Variants in CFAP54 observed in about 807,000 individuals in gnomAD.
The protein encoded by CFAP54 is cilia and flagella associated protein 54.
Under a neutral mutation model 370.4 loss-of-function variants are expected in CFAP54, and 290 were observed. That is an observed-to-expected ratio of 0.78 (90% CI 0.71 to 0.86). The LOEUF (loss-of-function observed/expected upper bound fraction) is 0.86. Ranked by LOEUF, CFAP54 falls within the 40% of genes least tolerant of loss-of-function variation. The pLI, the probability that CFAP54 is intolerant of heterozygous loss-of-function variation, is 0.00. For missense variants in CFAP54, 3,399 were observed against 3,528.7 expected (o/e 0.96, Z 0.93); for synonymous variants, 1,206 against 1,236.5 (o/e 0.98, Z 0.52).
Position 96,704,125 on chromosome 12 carries a change from T to C in CFAP54, c.6475-618T>C, listed in dbSNP as rs77940662. On this transcript the variant is annotated intron_variant, in intron 46 of 67. Transcript: ENST00000524981. ...AGTGAACATGGAATAGAAATCTATT[T>C]TTAAAAATTTAAAATACATCGGCCA... Among the ~76,000 whole-genome samples the C allele has an allele frequency of 9.8e-3, 1,488 of 152,204 alleles. 27 individuals carry two copies. The highest frequency in any genetic ancestry group is 0.032 in the African/African-American group (1,313 of 41,530).
intron 26 of CFAP54, among the ~76,000 whole-genome samples, chr12:96,600,258 C>A (rs1055232480): frequency 3.3e-5 from 5 of 152,178 alleles, no homozygotes; most frequent in Admixed American, 2.0e-4. Flanking sequence ...AATAGGGAAT[C>A]CTTTCCCCAC....
At chr12:96,513,774 G>A (rs534540491) in intron 5 of CFAP54, among the ~76,000 whole-genome samples, 2 of 152,014 alleles carry the variant, frequency 1.3e-5, no homozygotes, top group South Asian at 2.1e-4. Flanking sequence ...TTAAAAAAAG[G>A]TGTCCTGGTT....
At chr12:96,523,289 C>G (rs1054059657) in intron 8 of CFAP54, among the ~76,000 whole-genome samples, 1 of 152,164 alleles carries the variant, frequency 6.6e-6, no homozygotes, top group Non-Finnish European at 1.5e-5. Context: ...ATTTAAATGA[C>G]TGGCTCAAGG....
chr12:96,669,788 G>A (rs111793217), intron 39 of CFAP54, among the ~76,000 whole-genome samples: 8 of 152,260 alleles, frequency 5.3e-5, no homozygotes, highest in Admixed American at 3.3e-4. Context: ...ATACTAATGC[G>A]GCACTCAGGA....
intron 41 of CFAP54, 41 bp downstream of exon 41, chr12:96,684,776 T>A: frequency 6.7e-7 from 1 of 1,485,956 alleles, no homozygotes; most frequent in South Asian, 1.2e-5. Flanking sequence ...CAAAGGTTTT[T>A]TATTTGCTTG....
At chr12:96,574,369 G>A (rs1055617643) in intron 19 of CFAP54, among the ~76,000 whole-genome samples, 5 of 152,162 alleles carry the variant, frequency 3.3e-5, no homozygotes, top group Middle Eastern at 3.4e-3. Flanking sequence ...CTTCTCTTAT[G>A]TTTGTTGAAT....
At chr12:96,542,597 C>G (rs1173769079) in intron 14 of CFAP54, among the ~76,000 whole-genome samples, 1 of 152,152 alleles carries the variant, frequency 6.6e-6, no homozygotes, top group African/African-American at 2.4e-5. Flanking sequence ...CAACGTTTCC[C>G]CCTCTCCGAG....
In CFAP54 at chr12:96,521,549, C is replaced by T. The variant is rs10745765; in HGVS notation, c.943-308C>T. 5.1e-3 allele frequency among the ~76,000 whole-genome samples: 158 copies of T among 30,856 alleles called. 1 individual carries two copies. Among genetic ancestry groups the T allele is most frequent in the East Asian group, 7.6e-3 (4 of 528 alleles). The allele number at this position is 30,856 out of a possible 152,430, so 20.2% of individuals were successfully genotyped here. ...GTGTGTGTGTGTGTGTGTGTGTGTG[C>T]GCGTGCGCACATGAGGACGTGCGGT... On this transcript the variant is annotated intron_variant, in intron 6 of 67. Coordinates refer to ENST00000524981, the MANE Select transcript of CFAP54 (RefSeq NM_001306084.2).
intron 33 of CFAP54, chr12:96,646,985 G>A (rs1956801577): frequency 6.6e-6 from 1 of 152,090 alleles, no homozygotes; most frequent in Non-Finnish European, 1.5e-5. Flanking sequence ...ATAGCATTAG[G>A]AGATATACCT....
intron 15 of CFAP54, among the ~76,000 whole-genome samples, chr12:96,552,246 CAAAA>C (rs374756712): frequency 2.4e-5 from 1 of 40,984 alleles, no homozygotes; most frequent in Non-Finnish European, 5.7e-5. Context: ...AACTACATCT[CAAAA>C]AAAAAAAAAA....
At chr12:96,636,457 C>T (rs964032900) in intron 32 of CFAP54, among the ~76,000 whole-genome samples, 2 of 152,138 alleles carry the variant, frequency 1.3e-5, no homozygotes, top group African/African-American at 4.8e-5. Flanking sequence ...TCTGCTATAT[C>T]TATAGTTACA....
Position 96,663,885 on chromosome 12 carries a change from A to G in CFAP54, c.5516A>G (p.Glu1839Gly). The G allele has an allele frequency of 6.2e-7, 1 of 1,613,392 alleles. No homozygotes were observed. Among genetic ancestry groups the G allele is most frequent in the South Asian group, 1.1e-5 (1 of 90,972 alleles). The change falls in exon 39 of 68, where the codon GAA becomes GGA. Residue 1839 changes from glutamate to glycine, a missense_variant. Glu to Gly is a moderately conservative substitution (Grantham distance 98). Coordinates refer to ENST00000524981, the MANE Select transcript of CFAP54 (RefSeq NM_001306084.2). ...CTTAAGATTAATTCTTCAACCATTGAAGCAACAAGCAACTGCACAGATTTG... is the reference window on the plus strand; with the variant it reads ...CTTAAGATTAATTCTTCAACCATTGGAGCAACAAGCAACTGCACAGATTTG... ...KQLKINSSTI[E>G]ATSNCTDLLK...
rs747804356 is a variant in CFAP54 at position 96,657,922 on chromosome 12, A to T, written c.5141A>T (p.Tyr1714Phe). 4 of 1,613,710 alleles carry T rather than the reference A, an allele frequency of 2.5e-6. No homozygotes were observed. The Admixed American group carries it at 5.0e-5, about 20-fold the overall frequency. Residue 1714 changes from tyrosine to phenylalanine, a missense_variant, in exon 37 of 68, where the codon TAT (tyrosine) becomes TTT (phenylalanine). By Grantham distance (22) the Tyr-to-Phe change is conservative. Around this residue, in one of 3 missense-constraint regions of CFAP54, gnomAD observed 2,796 missense variants for 2,869.7 expected, o/e 0.97. Transcript: ENST00000524981. ...DKGEFSVPSCYGNIKNDNGGS... is the reference protein window; with the variant it reads ...DKGEFSVPSCFGNIKNDNGGS... ...GGAGAATTCAGTGTTCCAAGCTGTT[A>T]TGGGAATATTAAAAATGACAACGGT...
chr12:96,732,809 T>C (rs993055670), intron 50 of CFAP54, among the ~76,000 whole-genome samples: 1 of 152,198 alleles, frequency 6.6e-6, no homozygotes, highest in East Asian at 1.9e-4. Flanking sequence ...ATTTCCTCCA[T>C]TGGAGTTTGA....
At chr12:96,820,012 A>G (rs1447508769) in intron 65 of CFAP54, among the ~76,000 whole-genome samples, 1 of 152,034 alleles carries the variant, frequency 6.6e-6, no homozygotes, top group Non-Finnish European at 1.5e-5. Flanking sequence ...TCTTCATTCA[A>G]CATCTTTTGC....
intron 48 of CFAP54, among the ~76,000 whole-genome samples, chr12:96,709,267 A>G (rs1308056264): frequency 6.6e-6 from 1 of 152,206 alleles, no homozygotes; most frequent in Non-Finnish European, 1.5e-5. Flanking sequence ...ATAAGAAGAA[A>G]TGTGTACCTC....
chr12:96,500,810 C>T (rs1444830961), intron 1 of CFAP54, 24 bp from the exon 2 acceptor site: 14 of 1,477,418 alleles, frequency 9.5e-6, no homozygotes, highest in Admixed American at 4.3e-5. Flanking sequence ...TTGACAATGT[C>T]GTTTTATTTT....
chr12:96,773,396 A>C (rs1379437972), intron 60 of CFAP54, among the ~76,000 whole-genome samples: 1 of 152,218 alleles, frequency 6.6e-6, no homozygotes, highest in African/African-American at 2.4e-5. Flanking sequence ...TTCCACCTCC[A>C]AGTCTTGCAT....
At position 96,792,327 on chromosome 12, in the gene CFAP54, A is replaced by G. The variant is rs1316513755; in HGVS notation, c.8680-2A>G. On this transcript the variant is annotated splice_acceptor_variant, in intron 62 of 67. Transcript: ENST00000524981. LOFTEE classifies it high-confidence loss of function. ...AAACTGATGTTTTTGTTTGTTCCCT[A>G]GTTGTATCGCGATAGTTCTGTACAA... The G allele has an allele frequency of 2.7e-6, 4 of 1,500,500 alleles. No individual in the cohort carries two copies. The African/African-American group carries it at 4.2e-5, about 16-fold the overall frequency. 92.9% of individuals were successfully genotyped at this position (1,500,500 alleles called of 1,614,324 possible).
Sources: gnomAD v4.1 joint callset for allele counts (sites outside exome capture counted in the v4.1 genomes callset) on GRCh38, gnomAD v4.1.1 for gene constraint, gnomAD v4.1.1 regional missense constraint, MANE v1.5 for transcripts, NCBI Gene and HGNC (gene_info 2026-07-23, HGNC 2026-07-21) for gene names.